The following ABCA13 variants were observed in gnomAD, a reference collection of about 807,000 sequenced individuals.
ABCA13 encodes ATP binding cassette subfamily A member 13.
Under a neutral mutation model 478.7 loss-of-function variants are expected in ABCA13, and 476 were observed. The ratio of observed to expected loss-of-function variants is 0.99; its 90% CI spans 0.92 to 1.07. The LOEUF is 1.07. Ranked by LOEUF, ABCA13 falls within the 50% of genes least tolerant of loss-of-function variation. ABCA13 has a pLI of 0.00. For synonymous variants in ABCA13, 2,252 were observed against 2,158.9 expected, an observed-to-expected ratio of 1.04 and a Z score of -1.20; for missense variants, 6,060 against 5,910.6, an observed-to-expected ratio of 1.03 and a Z score of -0.83.
rs935084147 is a variant in ABCA13 at position 48,358,766 on chromosome 7, C to G, written c.10688+6279C>G. On this transcript the variant is annotated intron_variant, in intron 31 of 61. Transcript: ENST00000435803. ...TACAGATACTGTAAAAGTGGCAGCA[C>G]TGGGTTGCTCACAATTGATTTCATG... Among the ~76,000 whole-genome samples the G allele has an allele frequency of 5.9e-5, 9 of 151,988 alleles. 1 individual carries two copies. The highest frequency in any genetic ancestry group is 2.2e-4 in the African/African-American group (9 of 41,248).
At chr7:48,471,396 G>C in intron 44 of ABCA13, 134 bp from the exon 45 acceptor site, 1 of 750,118 alleles carries the variant, frequency 1.3e-6, no homozygotes, top group Non-Finnish European at 2.2e-6. Context: ...ACAAATGTAA[G>C]AGCTCTGCCT....
chr7:48,354,137 G>A (rs973769231), intron 31 of ABCA13, among the ~76,000 whole-genome samples: 1 of 152,044 alleles, frequency 6.6e-6, no homozygotes, highest in African/African-American at 2.4e-5. Flanking sequence ...GGGAGAAGCC[G>A]AAGTTTTATT....
At chr7:48,323,111 T>C (rs1803751476) in intron 27 of ABCA13, among the ~76,000 whole-genome samples, 1 of 152,114 alleles carries the variant, frequency 6.6e-6, no homozygotes, top group Non-Finnish European at 1.5e-5. Context: ...GCGTGTGGGT[T>C]TTTTCTAGTC....
chr7:48,454,767 T>C (rs1825455474), intron 42 of ABCA13, among the ~76,000 whole-genome samples: 2 of 146,018 alleles, frequency 1.4e-5, no homozygotes, highest in South Asian at 4.3e-4. Flanking sequence ...AGGTGTGTCG[T>C]CCGCTCTAAG....
intron 45 of ABCA13, among the ~76,000 whole-genome samples, 191 bp downstream of exon 45, chr7:48,471,790 T>C (rs989316677): frequency 5.3e-5 from 8 of 152,234 alleles, no homozygotes; most frequent in Non-Finnish European, 8.8e-5. Context: ...GCTGTATAGA[T>C]TGACAGTGCC....
rs1262604710 is a variant in ABCA13 at position 48,279,427 on chromosome 7, G to C, written c.8233G>C (p.Ala2745Pro). Residue 2745 changes from alanine (A) to proline (P), a missense_variant, in exon 18 of 62, where the codon GCT becomes CCT. Ala to Pro is a conservative substitution (Grantham distance 27). This residue lies in a region of ABCA13 where 4,423 missense variants were observed against 4,309.1 expected (regional missense o/e 1.03). Coordinates refer to ENST00000435803, the MANE Select transcript of ABCA13 (RefSeq NM_152701.5). ...AATGGTGATCTGTCTCACCTTAGAA[G>C]CTCTTTGGAAAAACTTAAAGAAAGA... ...LKMVICLTLEALWKNLKKDNW... is the reference protein window; with the variant it reads ...LKMVICLTLEPLWKNLKKDNW... The C allele has an allele frequency of 1.9e-6, 3 of 1,604,706 alleles. No homozygotes were observed. The highest frequency in any genetic ancestry group is 2.6e-6 in the Non-Finnish European group (3 of 1,174,648).
intron 46 of ABCA13, 83 bp from the exon 47 acceptor site, chr7:48,482,993 G>A (rs879603551): frequency 1.6e-5 from 17 of 1,076,966 alleles, no homozygotes; most frequent in Middle Eastern, 4.1e-4. Flanking sequence ...GCTGTACCTG[G>A]TGGGGTTAGT....
At chr7:48,303,146 G>C (rs1226645277) in intron 23 of ABCA13, among the ~76,000 whole-genome samples, 1 of 152,082 alleles carries the variant, frequency 6.6e-6, no homozygotes, top group Non-Finnish European at 1.5e-5. Flanking sequence ...CTTCTGAAAA[G>C]TGTCTGTTCA....
At chr7:48,252,401 A>G (rs921447437) in intron 15 of ABCA13, among the ~76,000 whole-genome samples, 2 of 152,164 alleles carry the variant, frequency 1.3e-5, no homozygotes, top group African/African-American at 2.4e-5. Context: ...CAATTTTTCC[A>G]TTGTTCAAAC....
At chr7:48,243,022 C>G (rs2091345) in intron 10 of ABCA13, 111,071 of 152,326 alleles carry the variant, frequency 0.73, 41,249 homozygotes, top group East Asian at 0.99. Context: ...CCCTGCAGTA[C>G]GGGTGGCTGA....
intron 51 of ABCA13, among the ~76,000 whole-genome samples, chr7:48,512,427 T>G (rs1831769987): frequency 6.6e-6 from 1 of 152,202 alleles, no homozygotes; most frequent in Non-Finnish European, 1.5e-5. Flanking sequence ...CTATAAAACA[T>G]GCTTATAGTA....
At chr7:48,516,695 A>G (rs780459347) in intron 51 of ABCA13, 30 bp from the exon 52 acceptor site, 1 of 1,607,586 alleles carries the variant, frequency 6.2e-7, no homozygotes, top group Admixed American at 1.7e-5. Context: ...TTACAGTAAA[A>G]CAAACATTAC....
rs35417923 is a variant in ABCA13, at chr7:48,482,544, A to ATT, written c.13095-522_13095-521dup. ...AGGTGCCTGCCACCATGCCCAGCTA[A>ATT]TTTTTTTTTTTGTATTTTTACAAAA... On this transcript the variant is annotated intron_variant, in intron 46 of 61. Transcript: ENST00000435803. Among the ~76,000 whole-genome samples, 57 of 148,322 alleles carry ATT rather than the reference A, an allele frequency of 3.8e-4. No homozygotes were observed. The East Asian group carries it at 5.3e-3, about 14-fold the overall frequency.
intron 35 of ABCA13, among the ~76,000 whole-genome samples, chr7:48,384,753 G>A (rs896228009): frequency 1.3e-5 from 2 of 152,178 alleles, no homozygotes; most frequent in Admixed American, 1.3e-4. Flanking sequence ...CAAACAACAG[G>A]AATGTGTTGT....
chr7:48,412,657 G>A (rs1266070839), intron 41 of ABCA13, 74 bp downstream of exon 41: 4 of 1,253,118 alleles, frequency 3.2e-6, no homozygotes, highest in Middle Eastern at 4.0e-4. Flanking sequence ...AAGAGATGTG[G>A]GTAAAGGGGG....
chr7:48,513,179 G>A (rs972087513), intron 51 of ABCA13, among the ~76,000 whole-genome samples: 2 of 152,176 alleles, frequency 1.3e-5, no homozygotes, highest in African/African-American at 4.8e-5. Flanking sequence ...AAGGACCTAT[G>A]GGTACACGGA....
intron 55 of ABCA13, among the ~76,000 whole-genome samples, chr7:48,554,595 G>A (rs1315475526): frequency 6.6e-6 from 1 of 151,568 alleles, no homozygotes; most frequent in Non-Finnish European, 1.5e-5. Context: ...TATATTAAAT[G>A]GGATTACTTT....
At chr7:48,438,696 C>G (rs1231750760) in intron 42 of ABCA13, among the ~76,000 whole-genome samples, 1 of 151,300 alleles carries the variant, frequency 6.6e-6, no homozygotes, top group African/African-American at 2.4e-5. Flanking sequence ...TTTTTGTTTA[C>G]TTGTTTGCTT....
intron 43 of ABCA13, among the ~76,000 whole-genome samples, chr7:48,458,334 G>T (rs1485859684): frequency 3.9e-5 from 6 of 152,144 alleles, no homozygotes; most frequent in African/African-American, 1.4e-4. Flanking sequence ...ACCCATCCTT[G>T]CTGCTCCAAA....
Sources: allele counts gnomAD v4.1 joint callset (sites outside exome capture counted in the v4.1 genomes callset), GRCh38; gene constraint gnomAD v4.1.1; regional missense constraint gnomAD v4.1.1; transcripts MANE v1.5; gene names NCBI Gene and HGNC (gene_info 2026-07-23, HGNC 2026-07-21).